Variants in MATCAP2 observed in about 807,000 individuals in gnomAD.
MATCAP2 encodes the protein microtubule associated tyrosine carboxypeptidase 2.
chr7:36,334,957 C>G, the MATCAP2 span: 2 of 1,237,276 alleles, frequency 1.6e-6, no homozygotes, highest in Middle Eastern at 2.0e-4. Context: ...AAAATAAATA[C>G]TACTAAGAAA....
At chr7:36,357,074 GAA>G in the MATCAP2 span, 1 of 1,614,056 alleles carries the variant, frequency 6.2e-7, no homozygotes, top group African/African-American at 1.3e-5. Flanking sequence ...TTTCTTCCCA[GAA>G]AAGTCATCTC....
the MATCAP2 span, among the ~76,000 whole-genome samples, chr7:36,334,647 G>T: frequency 6.6e-6 from 1 of 151,674 alleles, no homozygotes; most frequent in African/African-American, 2.4e-5. Flanking sequence ...GGGTGTGAAG[G>T]AGTACACTGC....
chr7:36,340,740 T>C, the MATCAP2 span, among the ~76,000 whole-genome samples: 2 of 152,224 alleles, frequency 1.3e-5, no homozygotes, highest in African/African-American at 4.8e-5. Flanking sequence ...AGCATAGAGA[T>C]AGCGACAGTA....
chr7:36,390,093 C>G, the MATCAP2 span: 7 of 1,612,134 alleles, frequency 4.3e-6, no homozygotes, highest in Admixed American at 1.7e-5. Context: ...GCTCTAGGCC[C>G]CCACCCACCT....
the MATCAP2 span, among the ~76,000 whole-genome samples, chr7:36,345,099 T>C: frequency 8.5e-5 from 13 of 152,288 alleles, no homozygotes; most frequent in African/African-American, 2.6e-4. Context: ...TGTTAGAAAA[T>C]AGTATAACGG....
chr7:36,370,491 C>T, the MATCAP2 span, among the ~76,000 whole-genome samples: 1 of 151,576 alleles, frequency 6.6e-6, no homozygotes, highest in African/African-American at 2.4e-5. Flanking sequence ...TTTATTTTTC[C>T]TTTTGAGATG....
the MATCAP2 span, chr7:36,334,308 A>AT: frequency 1.6e-6 from 1 of 625,642 alleles, no homozygotes; most frequent in East Asian, 2.8e-5. Flanking sequence ...AGGCCGAGGC[A>AT]TGCGGATCAC....
chr7:36,343,529 G>GGAGGGGA, the MATCAP2 span, among the ~76,000 whole-genome samples: 1 of 10,444 alleles, frequency 9.6e-5, no homozygotes, highest in Non-Finnish European at 2.3e-4. Context: ...AGGGGAGAGG[G>GGAGGGGA]GAGGGGAGGG....
the MATCAP2 span, among the ~76,000 whole-genome samples, chr7:36,379,913 G>T: frequency 1.9e-4 from 28 of 151,034 alleles, no homozygotes; most frequent in East Asian, 5.4e-3. Context: ...ACTATATTGG[G>T]AATCTGAATG....
the MATCAP2 span, among the ~76,000 whole-genome samples, chr7:36,378,573 C>A: frequency 6.6e-6 from 1 of 152,238 alleles, no homozygotes; most frequent in Admixed American, 6.5e-5. Flanking sequence ...CTTGAGGGGG[C>A]AGTCTGTCTG....
chr7:36,367,771 T>C, the MATCAP2 span, among the ~76,000 whole-genome samples: 2 of 152,162 alleles, frequency 1.3e-5, no homozygotes, highest in African/African-American at 2.4e-5. Context: ...TCTTTTACAA[T>C]AACCATGGGA....
chr7:36,342,384 TGGTCAGGCTGGTCTTAACACTCTTTC>T, the MATCAP2 span, among the ~76,000 whole-genome samples: 3,850 of 152,206 alleles, frequency 0.025, 54 homozygotes, highest in Non-Finnish European at 0.041. Context: ...TTCACCATGT[TGGTCAGGCTGGTCTTAACACTCTTTC>T]ATCTTTGTTC....
chr7:36,381,989 T>C, the MATCAP2 span, among the ~76,000 whole-genome samples: 2 of 152,134 alleles, frequency 1.3e-5, no homozygotes, highest in Admixed American at 6.5e-5. Flanking sequence ...CATTCTCTTG[T>C]ATCAAATTTA....
the MATCAP2 span, chr7:36,366,814 G>C: frequency 6.6e-7 from 1 of 1,523,180 alleles, no homozygotes; most frequent in Non-Finnish European, 8.8e-7. Flanking sequence ...GTGGAGTCCC[G>C]AGCGGCGCGC....
At chr7:36,353,856 C>T in the MATCAP2 span, among the ~76,000 whole-genome samples, 2 of 152,074 alleles carry the variant, frequency 1.3e-5, no homozygotes, top group African/African-American at 2.4e-5. Flanking sequence ...AATAAAGATA[C>T]AATATGAAGT....
the MATCAP2 span, among the ~76,000 whole-genome samples, chr7:36,360,246 A>C: frequency 4.6e-5 from 7 of 152,296 alleles, no homozygotes; most frequent in South Asian, 1.5e-3. Context: ...GTCGTAAAGC[A>C]TCAGTGACCT....
At chr7:36,370,402 C>G in the MATCAP2 span, among the ~76,000 whole-genome samples, 1 of 152,200 alleles carries the variant, frequency 6.6e-6, no homozygotes, top group African/African-American at 2.4e-5. Flanking sequence ...AATTATATTA[C>G]TGCTCCATTT....
the MATCAP2 span, among the ~76,000 whole-genome samples, chr7:36,340,418 A>AT: frequency 2.6e-5 from 4 of 152,178 alleles, no homozygotes; most frequent in Non-Finnish European, 4.4e-5. Context: ...GAGGGAATGC[A>AT]TTTCTTCTAT....
At chr7:36,333,110 G>A in the MATCAP2 span, among the ~76,000 whole-genome samples, 3 of 152,254 alleles carry the variant, frequency 2.0e-5, no homozygotes, top group South Asian at 2.1e-4. Context: ...CCTGCCTGCC[G>A]GCTCTGAAGA....
Sources: gnomAD v4.1 joint callset for allele counts (sites outside exome capture counted in the v4.1 genomes callset) on GRCh38, gnomAD v4.1.1 for gene constraint, MANE v1.5 for transcripts, NCBI Gene and HGNC (gene_info 2026-07-23, HGNC 2026-07-21) for gene names.